KBTBD2: variants seen among roughly 807,000 people sequenced by gnomAD.
KBTBD2 encodes the protein kelch repeat and BTB domain containing 2, also known as kelch repeat and BTB domain-containing protein 2.
KBTBD2 carries 17 observed loss-of-function variants against 57.1 expected under a neutral mutation model. The observed-to-expected ratio is 0.30, with a 90% CI of 0.20 to 0.45. The LOEUF is 0.45. KBTBD2 is among the 20% of genes least tolerant of loss of function. The pLI, the probability that KBTBD2 is intolerant of heterozygous loss-of-function variation, is 1.00. For missense variants in KBTBD2, 515 were observed against 750.6 expected (o/e 0.69, Z 3.67); for synonymous variants, 267 against 262.7 (o/e 1.02, Z -0.16).
Position 32,868,196 on chromosome 7 carries a change from AAATT to A in KBTBD2, c.*1145_*1148del, listed in dbSNP as rs1475559430. ...ATTGAATATATACAATTTATTTAAT[AAATT>A]AATGTCATTCAAAATACAGTGCCAG... On this transcript the variant is annotated 3_prime_UTR_variant, in exon 4 of 4. Coordinates refer to ENST00000304056, the MANE Select transcript of KBTBD2 (RefSeq NM_015483.3). The A allele has an allele frequency of 6.5e-6, 1 of 152,674 alleles. No homozygotes were observed. Among genetic ancestry groups the A allele is most frequent in the Non-Finnish European group, 1.5e-5 (1 of 68,050 alleles). 9.5% of individuals were successfully genotyped at this position (152,674 alleles called of 1,614,324 possible).
chr7:32,872,772 G>T (rs532090883), intron 3 of KBTBD2, among the ~76,000 whole-genome samples: 1 of 152,138 alleles, frequency 6.6e-6, no homozygotes, highest in Non-Finnish European at 1.5e-5. Flanking sequence ...AAATACTCAC[G>T]GGAGCACTTC....
chr7:32,880,473 G>A (rs1784419366), intron 1 of KBTBD2, among the ~76,000 whole-genome samples: 1 of 151,572 alleles, frequency 6.6e-6, no homozygotes, highest in African/African-American at 2.4e-5. Context: ...CAATTCACTA[G>A]GAGAACTATA....
chr7:32,891,095 C>G (rs1784723247), intron 1 of KBTBD2: 1 of 152,296 alleles, frequency 6.6e-6, no homozygotes, highest in South Asian at 2.1e-4. Flanking sequence ...GGGGGGAATA[C>G]AGAAGGAAGG....
rs1784098803 is a variant in KBTBD2, at chr7:32,869,076, T to C, written c.*269A>G. On this transcript the variant is annotated 3_prime_UTR_variant, in exon 4 of 4. Coordinates refer to ENST00000304056, the MANE Select transcript of KBTBD2 (RefSeq NM_015483.3). ...AACTGTACATACACAGGGCTAACAA[T>C]GTTAGATAATCCAGATTCTTATACT... 4 of 333,538 alleles carry C rather than the reference T, an allele frequency of 1.2e-5. No homozygotes were observed. The highest frequency in any genetic ancestry group is 6.3e-5 in the African/African-American group (3 of 47,592). The allele number at this position is 333,538 out of a possible 1,614,324, so 20.7% of individuals were successfully genotyped here. A position where few individuals can be genotyped will look rare whatever the true frequency, so the allele number is the denominator to read the frequency against.
intron 1 of KBTBD2, among the ~76,000 whole-genome samples, chr7:32,887,629 T>G (rs902396286): frequency 2.0e-5 from 3 of 152,212 alleles, no homozygotes; most frequent in Non-Finnish European, 4.4e-5. Flanking sequence ...AAATTGTACA[T>G]TACTAACTTA....
At chr7:32,890,374 T>A (rs1392234218) in intron 1 of KBTBD2, among the ~76,000 whole-genome samples, 1 of 152,166 alleles carries the variant, frequency 6.6e-6, no homozygotes, top group East Asian at 1.9e-4. Context: ...TTCAATTTAC[T>A]TTAGATCAGA....
intron 1 of KBTBD2, among the ~76,000 whole-genome samples, chr7:32,884,966 G>GTGTGTATATATATATACACA (rs1784532685): frequency 2.3e-5 from 3 of 128,816 alleles, no homozygotes; most frequent in African/African-American, 9.7e-5. Flanking sequence ...ATATATGTGT[G>GTGTGTATATATATATACACA]TATGTGTGTG....
In KBTBD2 at chr7:32,884,663, C is replaced by G. The variant is rs193206287; in HGVS notation, c.-338-4721G>C. Among the ~76,000 whole-genome samples the G allele has an allele frequency of 1.4e-4, 22 of 152,064 alleles. No homozygotes were observed. The East Asian group carries it at 4.3e-3, about 29-fold the overall frequency. ...CGAGATCGCACCACTGCACTCCAGCCTGGGCAACAAGAGAGAGACTCAGTC... is the reference window on the plus strand; with the variant it reads ...CGAGATCGCACCACTGCACTCCAGCGTGGGCAACAAGAGAGAGACTCAGTC... On this transcript the variant is annotated intron_variant, in intron 1 of 3. Coordinates refer to ENST00000304056, the MANE Select transcript of KBTBD2 (RefSeq NM_015483.3).
chr7:32,886,673 G>T (rs1226673209), intron 1 of KBTBD2, among the ~76,000 whole-genome samples: 1 of 152,160 alleles, frequency 6.6e-6, no homozygotes, highest in Non-Finnish European at 1.5e-5. Context: ...TTGGTTGTCT[G>T]AATTCCTCAC....
At chr7:32,891,185 G>A (rs1562540482) in intron 1 of KBTBD2, 2 of 150,930 alleles carry the variant, frequency 1.3e-5, no homozygotes, top group Non-Finnish European at 3.0e-5. Flanking sequence ...GTAAGGGCGG[G>A]CGCGAGCCGA....
intron 2 of KBTBD2, 141 bp downstream of exon 2, chr7:32,879,294 G>T: frequency 1.7e-6 from 1 of 591,730 alleles, no homozygotes; most frequent in South Asian, 2.3e-5. Flanking sequence ...TCTTACACAT[G>T]CAAGAATGAG....
At chr7:32,886,549 C>T (rs1480330823) in intron 1 of KBTBD2, among the ~76,000 whole-genome samples, 3 of 152,152 alleles carry the variant, frequency 2.0e-5, no homozygotes, top group East Asian at 1.9e-4. Flanking sequence ...GAAAATACTA[C>T]GGCATTTTAT....
At chr7:32,886,077 T>A (rs1784574589) in intron 1 of KBTBD2, among the ~76,000 whole-genome samples, 2 of 151,870 alleles carry the variant, frequency 1.3e-5, no homozygotes, top group Non-Finnish European at 2.9e-5. Context: ...TCCGGCTAAT[T>A]TTTCACATTT....
upstream of KBTBD2, chr7:32,891,894 C>T (rs1355218805): frequency 9.2e-6 from 1 of 108,660 alleles, no homozygotes; most frequent in African/African-American, 3.7e-5. Context: ...CCCGCCGCCC[C>T]CGCCCCCGCC....
At chr7:32,883,454 CCCA>C (rs1326987382) in intron 1 of KBTBD2, among the ~76,000 whole-genome samples, 1 of 152,096 alleles carries the variant, frequency 6.6e-6, no homozygotes, top group Admixed American at 6.6e-5. Flanking sequence ...TCTTCAAATG[CCCA>C]CAACACAAAC....
intron 1 of KBTBD2, among the ~76,000 whole-genome samples, chr7:32,887,314 C>A (rs1194812868): frequency 6.6e-6 from 1 of 152,174 alleles, no homozygotes; most frequent in East Asian, 1.9e-4. Context: ...TGTTACTGAT[C>A]TGTTACACAG....
At chr7:32,883,233 T>C (rs1206398368) in intron 1 of KBTBD2, among the ~76,000 whole-genome samples, 1 of 151,660 alleles carries the variant, frequency 6.6e-6, no homozygotes, top group Non-Finnish European at 1.5e-5. Flanking sequence ...CAAAAATTAG[T>C]CGGGTATGGT....
In KBTBD2 at chr7:32,868,328, G is replaced by A. The variant is rs1406518500; in HGVS notation, c.*1017C>T. ...ACTGCTAGTGGTTCCTGGGATTAAT[G>A]CCAGAGCAGCGCTAGTTATCTGCTC... On this transcript the variant is annotated 3_prime_UTR_variant, in exon 4 of 4. Transcript: ENST00000304056. 2.0e-5 allele frequency: 3 copies of A among 152,486 alleles called. No homozygotes were observed. Among genetic ancestry groups the A allele is most frequent in the Admixed American group, 2.0e-4 (3 of 15,262 alleles). 9.4% of individuals were successfully genotyped at this position (152,486 alleles called of 1,614,324 possible).
At chr7:32,892,006 T>G (rs1784771561), upstream of KBTBD2, 1 of 146,854 alleles carries the variant, frequency 6.8e-6, no homozygotes. Flanking sequence ...CCCTCCCGCC[T>G]CGCGCGCGCG....
Sources: allele counts gnomAD v4.1 joint callset (sites outside exome capture counted in the v4.1 genomes callset), GRCh38; gene constraint gnomAD v4.1.1; transcripts MANE v1.5; gene names NCBI Gene and HGNC (gene_info 2026-07-23, HGNC 2026-07-21).